Variants in SMC1B observed in about 807,000 individuals in gnomAD.
SMC1B encodes structural maintenance of chromosomes protein 1B.
A neutral mutation model predicts 157.9 loss-of-function variants in SMC1B; 60 were observed. The observed-to-expected ratio is 0.38, with a 90% CI of 0.31 to 0.47. The LOEUF is 0.47. SMC1B is among the 20% of genes least tolerant of loss of function. The pLI is 0.99. For synonymous variants in SMC1B, 445 were observed against 483.0 expected (o/e 0.92, Z 1.03); for missense variants, 1,165 against 1,426.2 (o/e 0.82, Z 2.95).
At chr22:45,406,091 A>C (rs1313346358) in intron 4 of SMC1B, among the ~76,000 whole-genome samples, 1 of 152,228 alleles carries the variant, frequency 6.6e-6, no homozygotes, top group Non-Finnish European at 1.5e-5. Flanking sequence ...AATTTCACAT[A>C]CAATAAATAT....
chr22:45,366,096 T>C (rs1273226119), intron 15 of SMC1B, among the ~76,000 whole-genome samples: 2 of 152,348 alleles, frequency 1.3e-5, no homozygotes, highest in East Asian at 3.9e-4. Context: ...CGATCTTGGC[T>C]CACTGCAACT....
Position 45,389,786 on chromosome 22 carries a change from CT to C in SMC1B, c.1656del (p.Ala553GlnfsTer8). On this transcript the variant is annotated frameshift_variant, in exon 10 of 25. Transcript: ENST00000357450. LOFTEE classifies it high-confidence loss of function. ...ITAIVVASEK[V>X]AKDCIRFLKE... The stretch of plus-strand genomic sequence containing the variant: ...TTCAGAAATCGAATACAATCTTTTG[CT>C]ACCTTTTCAGAGGCTACAACAATGG... The C allele has an allele frequency of 6.2e-7, 1 of 1,614,090 alleles. No homozygotes were observed. Among genetic ancestry groups the C allele is most frequent in the East Asian group, 2.2e-5 (1 of 44,864 alleles).
Position 45,398,859 on chromosome 22 carries a change from T to C in SMC1B, c.1113+236A>G, listed in dbSNP as rs189388425. Among the ~76,000 whole-genome samples, 24 of 152,106 alleles carry C rather than the reference T, an allele frequency of 1.6e-4. No individual in the cohort carries two copies. In the East Asian group the frequency reaches 4.4e-3, roughly 28 times the overall value. ...ACAAACAAAAAAAAATCCTGCATCATGATTATGCCACTGCACTCCAGCCTG... is the reference window on the plus strand; with the variant it reads ...ACAAACAAAAAAAAATCCTGCATCACGATTATGCCACTGCACTCCAGCCTG... On this transcript the variant is annotated intron_variant, in intron 6 of 24. Transcript: ENST00000357450.
intron 24 of SMC1B, 64 bp downstream of exon 24, chr22:45,345,395 G>T: frequency 2.2e-6 from 2 of 913,746 alleles, no homozygotes; most frequent in Non-Finnish European, 3.5e-6. Flanking sequence ...AAGCCCAGTG[G>T]CTGTCAGGGT....
intron 5 of SMC1B, among the ~76,000 whole-genome samples, chr22:45,402,069 G>C (rs1042758111): frequency 6.6e-6 from 1 of 152,074 alleles, no homozygotes; most frequent in Non-Finnish European, 1.5e-5. Flanking sequence ...ATTTTTAGTA[G>C]AGACGGGGTT....
At chr22:45,367,255 T>C (rs1051595814) in intron 15 of SMC1B, among the ~76,000 whole-genome samples, 14 of 152,216 alleles carry the variant, frequency 9.2e-5, no homozygotes, top group African/African-American at 3.1e-4. Context: ...GTATGTTTGC[T>C]TAGAAATTTG....
intron 10 of SMC1B, among the ~76,000 whole-genome samples, chr22:45,387,492 T>C (rs2087002659): frequency 6.6e-6 from 1 of 152,098 alleles, no homozygotes; most frequent in African/African-American, 2.4e-5. Context: ...TTACATACCA[T>C]AAAAGATTGA....
chr22:45,358,666 G>C, intron 19 of SMC1B, 31 bp downstream of exon 19: 1 of 1,259,896 alleles, frequency 7.9e-7, no homozygotes, highest in Non-Finnish European at 1.1e-6. Context: ...GTATTACTGT[G>C]AGTGATAAAC....
At chr22:45,357,448 C>T (rs1242430915) in intron 19 of SMC1B, among the ~76,000 whole-genome samples, 1 of 152,214 alleles carries the variant, frequency 6.6e-6, no homozygotes, top group African/African-American at 2.4e-5. Context: ...CTGAGAGAGG[C>T]CTGTGTCTAC....
intron 19 of SMC1B, among the ~76,000 whole-genome samples, chr22:45,355,464 G>T (rs1461218675): frequency 6.6e-6 from 1 of 152,082 alleles, no homozygotes; most frequent in Non-Finnish European, 1.5e-5. Flanking sequence ...AGACTTACAG[G>T]GAAGTCAGAC....
chr22:45,348,581 T>C (rs764373690), intron 23 of SMC1B, among the ~76,000 whole-genome samples: 10 of 152,226 alleles, frequency 6.6e-5, no homozygotes, highest in South Asian at 2.1e-4. Flanking sequence ...AGCAGTAACA[T>C]TGTTGATCAA....
At chr22:45,412,498 CTTTTTTTTTTTT>C (rs56894434) in intron 1 of SMC1B, among the ~76,000 whole-genome samples, 14 of 65,438 alleles carry the variant, frequency 2.1e-4, no homozygotes, top group Admixed American at 1.7e-3. Flanking sequence ...CGCGCCCAGC[CTTTTTTTTTTTT>C]TTTTTTTTTT....
At chr22:45,374,421 C>T (rs751277060) in intron 12 of SMC1B, among the ~76,000 whole-genome samples, 4 of 152,138 alleles carry the variant, frequency 2.6e-5, no homozygotes, top group Admixed American at 6.5e-5. Context: ...CAGTACAATA[C>T]AGCAGTTCAG....
chr22:45,386,629 T>G (rs2086992513), intron 11 of SMC1B, among the ~76,000 whole-genome samples: 1 of 152,176 alleles, frequency 6.6e-6, no homozygotes, highest in Non-Finnish European at 1.5e-5. Context: ...AAAAGAAATC[T>G]AATTTCCAAA....
chr22:45,391,958 TTTTG>T (rs1015952178), intron 9 of SMC1B, among the ~76,000 whole-genome samples: 96 of 152,192 alleles, frequency 6.3e-4, no homozygotes, highest in African/African-American at 2.1e-3. Context: ...ACCAGTGTTT[TTTTG>T]TTTTTGTTTT....
intron 11 of SMC1B, among the ~76,000 whole-genome samples, chr22:45,386,560 C>T (rs2146819695): frequency 7.1e-6 from 1 of 140,544 alleles, no homozygotes. Context: ...ATCCAGGGTC[C>T]ATATAAGGTT....
In SMC1B at chr22:45,413,578, T is replaced by C. The variant is rs376214204; in HGVS notation, c.-11A>G. On this transcript the variant is annotated 5_prime_UTR_variant, in exon 1 of 25. Transcript: ENST00000357450. ...CTCCAGGTGGGCCATGGCGCCGCCC[T>C]CCACGCCTCACCCGCGTTATCAAGC... 42 of 1,592,098 alleles carry C rather than the reference T, an allele frequency of 2.6e-5. 2 individuals carry two copies. The East Asian group carries it at 3.0e-4, about 11-fold the overall frequency.
chr22:45,383,222 T>C (rs2086954744), intron 12 of SMC1B, among the ~76,000 whole-genome samples: 1 of 151,382 alleles, frequency 6.6e-6, no homozygotes, highest in African/African-American at 2.4e-5. Context: ...ATAGGAAAAA[T>C]AATACATACA....
rs545339563 is a variant in SMC1B, at chr22:45,386,946, A to T, written c.1832T>A (p.Phe611Tyr). Residue 611 changes from phenylalanine to tyrosine, a missense_variant, in exon 11 of 25, where the codon TTT (phenylalanine) becomes TAT (tyrosine). Transcript: ENST00000357450. ...ACAAACAAGACCATTTCCACACACA[A>T]ACTGAATCACTTTCTTCAGCTGAGG... ...QFPQLKKVIQFVCGNGLVCET... is the reference protein window; with the variant it reads ...QFPQLKKVIQYVCGNGLVCET... 7 of 1,614,138 alleles carry T rather than the reference A, an allele frequency of 4.3e-6. No homozygotes were observed. In the African/African-American group the frequency reaches 8.0e-5, roughly 18 times the overall value.
Sources: allele counts gnomAD v4.1 joint callset (sites outside exome capture counted in the v4.1 genomes callset), GRCh38; gene constraint gnomAD v4.1.1; transcripts MANE v1.5; gene names NCBI Gene and HGNC (gene_info 2026-07-23, HGNC 2026-07-21).